The following TTBK1 variants were observed in gnomAD, a reference collection of about 807,000 sequenced individuals.
TTBK1 encodes tau-tubulin kinase 1.
Under a neutral mutation model 108.5 loss-of-function variants are expected in TTBK1, and 34 were observed. The observed-to-expected ratio is 0.31, with a 90% CI of 0.24 to 0.42. The LOEUF (loss-of-function observed/expected upper bound fraction) is 0.42. Ranked by LOEUF, TTBK1 falls within the 10% of genes least tolerant of loss-of-function variation. TTBK1 has a pLI of 1.00. For missense variants in TTBK1, 1,539 were observed against 1,826.0 expected (o/e 0.84, Z 2.86); for synonymous variants, 809 against 795.1 (o/e 1.02, Z -0.29).
chr6:43,266,678 G>A (rs1777685223), intron 13 of TTBK1, among the ~76,000 whole-genome samples: 2 of 151,766 alleles, frequency 1.3e-5, no homozygotes, highest in Admixed American at 6.6e-5. Flanking sequence ...GTGCAATGGC[G>A]TGATCTCGGC....
Position 43,285,202 on chromosome 6 carries a change from C to A in TTBK1, c.3792C>A (p.His1264Gln). Residue 1264 changes from histidine (H) to glutamine (Q), a missense_variant, in exon 15 of 15, where the codon CAC (histidine) becomes CAA (glutamine). This residue lies in a region of TTBK1 where 1,055 missense variants were observed against 1,086.5 expected (regional missense o/e 0.97). Transcript: ENST00000259750. This position sits in a 1 kb window ranked among gnomAD's most constrained non-coding sequence, Gnocchi z 4.7. The part of the protein sequence containing the change: ...LSRRESPSPS[H>Q]QARPGVPPPR... ...GCAGAGAGAGCCCCTCCCCCTCGCA[C>A]CAGGCCCGGCCCGGGGTCCCCCCGC... 7.5e-7 allele frequency: 1 copy of A among 1,329,980 alleles called. No homozygotes were observed. Among genetic ancestry groups the A allele is most frequent in the Non-Finnish European group, 9.6e-7 (1 of 1,044,780 alleles). 82.4% of individuals were successfully genotyped at this position (1,329,980 alleles called of 1,614,324 possible).
Position 43,253,469 on chromosome 6 carries a change from G to A in TTBK1, c.331-99G>A, listed in dbSNP as rs1777302978. The A allele has an allele frequency of 2.5e-6, 4 of 1,593,370 alleles. No individual in the cohort carries two copies. In the East Asian group the frequency reaches 9.0e-5, roughly 36 times the overall value. On this transcript the variant is annotated intron_variant, in intron 4 of 14. Transcript: ENST00000259750. The surrounding 1 kb of genome is among the most constrained non-coding windows in gnomAD (Gnocchi z 5.8). ...CTGTGGCCCTGGGAAAGGGCAGTGG[G>A]CACAACCCTTTGGGGTGAGGCTGGG...
chr6:43,268,984 C>T (rs1777753348), intron 13 of TTBK1, among the ~76,000 whole-genome samples: 1 of 151,354 alleles, frequency 6.6e-6, no homozygotes, highest in African/African-American at 2.5e-5. Context: ...GAGGTGGGCA[C>T]CATTATGACC....
Position 43,271,799 on chromosome 6 carries a change from G to A in TTBK1, c.1986+8449G>A, listed in dbSNP as rs185355062. The A allele has an allele frequency of 5.1e-3, 4,400 of 856,896 alleles. 10 individuals carry two copies. Among genetic ancestry groups the A allele is most frequent in the Non-Finnish European group, 5.5e-3 (4,061 of 742,752 alleles). 53.1% of individuals were successfully genotyped at this position (856,896 alleles called of 1,614,324 possible). A position where few individuals can be genotyped will look rare whatever the true frequency, so the allele number is the denominator to read the frequency against. On this transcript the variant is annotated intron_variant, in intron 13 of 14. Transcript: ENST00000259750. ...TATTTATTTATTTATTTATTTTTGAGGATGTCTGGGCCAAGAGCACCTTCT... is the reference window on the plus strand; with the variant it reads ...TATTTATTTATTTATTTATTTTTGAAGATGTCTGGGCCAAGAGCACCTTCT...
Position 43,254,556 on chromosome 6 carries a change from G to T in TTBK1, c.481G>T (p.Ala161Ser), listed in dbSNP as rs1464547233. The T allele has an allele frequency of 3.2e-6, 5 of 1,571,318 alleles. No individual in the cohort carries two copies. The highest frequency in any genetic ancestry group is 4.3e-6 in the Non-Finnish European group (5 of 1,162,110). The part of the protein sequence containing the change: ...LHRDIKPSNF[A>S]MGRLPSTYRK... The stretch of plus-strand genomic sequence containing the variant: ...CTGCTGTCTCCCCCAGTCAAACTTT[G>T]CCATGGGCAGGCTGCCCTCCACCTA... The change falls in exon 6 of 15, where the codon GCC becomes TCC. Residue 161 changes from alanine (A) to serine (S), a missense_variant. Physicochemically the swap from Ala to Ser is moderately conservative, Grantham distance 99. Transcript: ENST00000259750.
chr6:43,257,891 G>T lies in TTBK1; in HGVS notation c.941G>T (p.Gly314Val). ...ENEAFDWEKA[G>V]TDALLSTSTS... Reference sequence around the variant, plus strand: ...GAGGCCTTTGACTGGGAGAAGGCAGGCACCGATGCCCTCCTGTCCACGAGC... The same window carrying T: ...GAGGCCTTTGACTGGGAGAAGGCAGTCACCGATGCCCTCCTGTCCACGAGC... The change falls in exon 10 of 15, where the codon GGC becomes GTC. Residue 314 changes from glycine to valine, a missense_variant. By Grantham distance (109) the Gly-to-Val change is moderately radical. Transcript: ENST00000259750. This position sits in a 1 kb window ranked among gnomAD's most constrained non-coding sequence, Gnocchi z 4.5. The T allele has an allele frequency of 6.2e-7, 1 of 1,614,010 alleles. No homozygotes were observed. The highest frequency in any genetic ancestry group is 8.5e-7 in the Non-Finnish European group (1 of 1,180,004).
rs1265622840 is a variant in TTBK1 at position 43,265,198 on chromosome 6, G to C, written c.1986+1848G>C. Among the ~76,000 whole-genome samples, 1 of 152,198 alleles carries C rather than the reference G, an allele frequency of 6.6e-6. No homozygotes were observed. The highest frequency in any genetic ancestry group is 1.5e-5 in the Non-Finnish European group (1 of 68,034). On this transcript the variant is annotated intron_variant, in intron 13 of 14. Coordinates refer to ENST00000259750, the MANE Select transcript of TTBK1 (RefSeq NM_032538.3). The surrounding 1 kb of genome is among the most constrained non-coding windows in gnomAD (Gnocchi z 4.1). ...GTTCCACATAGTGGTCCCACATTGG[G>C]GGCGTACACTCTAGGTGGCTCTGGG...
At chr6:43,267,384 G>A (rs1215645982) in intron 13 of TTBK1, among the ~76,000 whole-genome samples, 11 of 152,066 alleles carry the variant, frequency 7.2e-5, no homozygotes, top group Admixed American at 5.9e-4. Context: ...GAGATTATGC[G>A]GCTCAGGGCA....
intron 7 of TTBK1, 76 bp downstream of exon 7, chr6:43,255,190 G>C: frequency 1.8e-6 from 2 of 1,134,540 alleles, no homozygotes; most frequent in Non-Finnish European, 2.6e-6. Flanking sequence ...TGCTGGGGAG[G>C]GGTGGGGAGA....
At chr6:43,271,506 C>T in intron 13 of TTBK1, 5 of 985,430 alleles carry the variant, frequency 5.1e-6, no homozygotes, top group Non-Finnish European at 6.0e-6. Flanking sequence ...TAGCTACTCT[C>T]ATCCCAGCTT....
chr6:43,247,873 AGAG>A (rs1217015325), intron 2 of TTBK1: 1 of 152,202 alleles, frequency 6.6e-6, no homozygotes, highest in Non-Finnish European at 1.5e-5. Context: ...GAAGGGATGA[AGAG>A]GAGGAGACTT....
At chr6:43,254,430 G>A in intron 5 of TTBK1, 117 bp from the exon 6 acceptor site, 2 of 657,378 alleles carry the variant, frequency 3.0e-6, no homozygotes, top group Non-Finnish European at 5.1e-6. Flanking sequence ...TTCCTTGCGG[G>A]CGAGTGAATG....
rs1436045100 is a variant in TTBK1 at position 43,273,148 on chromosome 6, CA to C, written c.1987-9578del. Among the ~76,000 whole-genome samples, 2 of 152,258 alleles carry C rather than the reference CA, an allele frequency of 1.3e-5. No homozygotes were observed. The highest frequency in any genetic ancestry group is 3.9e-4 in the East Asian group (2 of 5,192). ...TCTGCATTCAACAAATTAATCAGAACATTTTATTTACCAGAACATATAAAAA... is the reference window on the plus strand; with the variant it reads ...TCTGCATTCAACAAATTAATCAGAACTTTTATTTACCAGAACATATAAAAA... On this transcript the variant is annotated intron_variant, in intron 13 of 14. Transcript: ENST00000259750. This position sits in a 1 kb window ranked among gnomAD's most constrained non-coding sequence, Gnocchi z 4.2.
Position 43,259,617 on chromosome 6 carries a change from A to C in TTBK1, c.1335A>C (p.Pro445=), listed in dbSNP as rs1326098559. ...VRAPPDSPTT[P]VRSLRYRRVN... ...CCCCCCCAGACTCCCCCACAACCCCAGTCCGTTCTCTGCGCTACCGGAGGG... is the reference window on the plus strand; with the variant it reads ...CCCCCCCAGACTCCCCCACAACCCCCGTCCGTTCTCTGCGCTACCGGAGGG... The change falls in exon 12 of 15, where the codon CCA becomes CCC. Residue 445 remains proline (P), a synonymous_variant. Coordinates refer to ENST00000259750, the MANE Select transcript of TTBK1 (RefSeq NM_032538.3). The surrounding 1 kb of genome is among the most constrained non-coding windows in gnomAD (Gnocchi z 6.7). 1 of 1,611,908 alleles carries C rather than the reference A, an allele frequency of 6.2e-7. No individual in the cohort carries two copies. The highest frequency in any genetic ancestry group is 2.2e-5 in the East Asian group (1 of 44,822).
At chr6:43,260,922 C>T (rs1375758258) in intron 12 of TTBK1, among the ~76,000 whole-genome samples, 2 of 151,990 alleles carry the variant, frequency 1.3e-5, no homozygotes, top group Non-Finnish European at 1.5e-5. Context: ...GTCTGAGCTC[C>T]CATTACACAC....
chr6:43,275,233 GCCACGAATGTACGGCCCGCC>G (rs1777938294), intron 13 of TTBK1, among the ~76,000 whole-genome samples: 1 of 151,802 alleles, frequency 6.6e-6, no homozygotes, highest in Non-Finnish European at 1.5e-5. Flanking sequence ...CGCGGCCAGC[GCCACGAATGTACGGCCCGCC>G]CCACACAGCG....
intron 5 of TTBK1, 56 bp from the exon 6 acceptor site, chr6:43,254,491 G>A: frequency 7.8e-7 from 1 of 1,288,982 alleles, no homozygotes; most frequent in Non-Finnish European, 1.1e-6. Context: ...GGTGCCCCTT[G>A]AGGTGGCCCA....
At chr6:43,271,334 A>G (rs1380441669) in intron 13 of TTBK1, 1 of 985,352 alleles carries the variant, frequency 1.0e-6, no homozygotes, top group African/African-American at 1.7e-5. Context: ...CCATGGATGA[A>G]TGCTCAGGCT....
chr6:43,263,483 C>A lies in TTBK1; in HGVS notation c.1986+133C>A. ...GTCACAGGGCTGTGATGGAGGTAGA[C>A]AGGCTTAAGGGTCTGAAACCATGTT... On this transcript the variant is annotated intron_variant, in intron 13 of 14. Coordinates refer to ENST00000259750, the MANE Select transcript of TTBK1 (RefSeq NM_032538.3). This position sits in a 1 kb window ranked among gnomAD's most constrained non-coding sequence, Gnocchi z 4.7. 2.2e-6 allele frequency: 2 copies of A among 915,964 alleles called. No individual in the cohort carries two copies. The highest frequency in any genetic ancestry group is 1.5e-6 in the Non-Finnish European group (1 of 654,782). 56.7% of individuals were successfully genotyped at this position (915,964 alleles called of 1,614,324 possible).
Sources: allele counts gnomAD v4.1 joint callset (sites outside exome capture counted in the v4.1 genomes callset), GRCh38; gene constraint gnomAD v4.1.1; regional missense constraint gnomAD v4.1.1; non-coding constraint Gnocchi (gnomAD v3.1); transcripts MANE v1.5; gene names NCBI Gene and HGNC (gene_info 2026-07-23, HGNC 2026-07-21).